LRP5: variants seen among roughly 807,000 people sequenced by gnomAD.
LRP5 encodes the protein low-density lipoprotein receptor-related protein 5.
A neutral mutation model predicts 154.1 loss-of-function variants in LRP5; 62 were observed. The observed-to-expected ratio is 0.40, with a 90% CI of 0.33 to 0.50. The LOEUF is 0.50. Ranked by LOEUF, LRP5 falls within the 20% of genes least tolerant of loss-of-function variation. The pLI is 0.55. For missense variants in LRP5, 1,915 were observed against 2,336.7 expected, an observed-to-expected ratio of 0.82 and a Z score of 3.72; for synonymous variants, 966 against 1,011.5, an observed-to-expected ratio of 0.96 and a Z score of 0.85.
At chr11:68,397,852 G>T (rs542479143) in intron 7 of LRP5, among the ~76,000 whole-genome samples, 12 of 152,262 alleles carry the variant, frequency 7.9e-5, no homozygotes, top group African/African-American at 2.4e-4. Context: ...TGCTAAGTGG[G>T]TGGAGGTGAC....
chr11:68,381,114 G>C (rs1393285008), intron 5 of LRP5, among the ~76,000 whole-genome samples: 1 of 152,194 alleles, frequency 6.6e-6, no homozygotes, highest in East Asian at 1.9e-4. Context: ...TCAGAACAGG[G>C]CTTAGTGCGA....
intron 7 of LRP5, among the ~76,000 whole-genome samples, chr11:68,400,049 C>T (rs145423982): frequency 1.1e-4 from 17 of 152,214 alleles, no homozygotes; most frequent in Middle Eastern, 3.4e-3. Context: ...TTCTGAGCCA[C>T]CATAGGGGTC....
In LRP5 at chr11:68,423,481, T is replaced by A. The variant is rs770080474; in HGVS notation, c.3028-8T>A. ...GTGCTCAGGAGTCTTGGTTTCTTTG[T>A]CTTACAGCCCTTTGTTTTGACCTCT... On this transcript the variant is annotated splice_polypyrimidine_tract_variant and splice_region_variant and intron_variant, in intron 13 of 22. Coordinates refer to ENST00000294304, the MANE Select transcript of LRP5 (RefSeq NM_002335.4). This position sits in a 1 kb window ranked among gnomAD's most constrained non-coding sequence, Gnocchi z 4.7. 6.2e-7 allele frequency: 1 copy of A among 1,613,790 alleles called. No homozygotes were observed.
At chr11:68,310,754 CAAAAAAAAA>C (rs756320384), upstream of LRP5, among the ~76,000 whole-genome samples, 7 of 63,928 alleles carry the variant, frequency 1.1e-4, no homozygotes, top group African/African-American at 3.7e-4. Flanking sequence ...GACCCTGTCT[CAAAAAAAAA>C]AAAAAAAAAA....
At chr11:68,445,026 C>G (rs1374687214) in intron 21 of LRP5, among the ~76,000 whole-genome samples, 1 of 152,194 alleles carries the variant, frequency 6.6e-6, no homozygotes, top group Non-Finnish European at 1.5e-5. Context: ...AGGCTACTCA[C>G]CAGCCATCAG....
intron 9 of LRP5, among the ~76,000 whole-genome samples, chr11:68,408,188 A>T (rs915302277): frequency 1.3e-5 from 2 of 149,334 alleles, no homozygotes; most frequent in Non-Finnish European, 2.9e-5. Context: ...TGATCCTCTC[A>T]TCTCAGCCTC....
At chr11:68,379,875 T>C (rs1285265715) in intron 5 of LRP5, among the ~76,000 whole-genome samples, 1 of 152,232 alleles carries the variant, frequency 6.6e-6, no homozygotes, top group Non-Finnish European at 1.5e-5. Flanking sequence ...CTCACGCCTG[T>C]AATCCCAGCA....
chr11:68,445,042 C>A (rs1243739717), intron 21 of LRP5, among the ~76,000 whole-genome samples: 1 of 152,130 alleles, frequency 6.6e-6, no homozygotes, highest in Non-Finnish European at 1.5e-5. Context: ...ATCAGGATAG[C>A]CCCAGGAAGC....
At chr11:68,341,059 C>CTTTTTTTTGTTTTTTTTTTTTTTTT (rs2098608773) in intron 1 of LRP5, among the ~76,000 whole-genome samples, 1 of 83,496 alleles carries the variant, frequency 1.2e-5, no homozygotes, top group Non-Finnish European at 2.4e-5. Flanking sequence ...GGAGATTGTT[C>CTTTTTTTTGTTTTTTTTTTTTTTTT]TTTTTTTTTT....
intron 1 of LRP5, among the ~76,000 whole-genome samples, chr11:68,333,110 C>T (rs1228113171): frequency 6.6e-6 from 1 of 152,108 alleles, no homozygotes; most frequent in Non-Finnish European, 1.5e-5. Context: ...ATCGTAGCTG[C>T]ATGAGGGTTT....
chr11:68,326,234 CAG>C, intron 1 of LRP5, among the ~76,000 whole-genome samples: 1 of 152,236 alleles, frequency 6.6e-6, no homozygotes, highest in South Asian at 2.1e-4. Flanking sequence ...TCTGCTTTGT[CAG>C]AAGTATGGCA....
At chr11:68,382,812 A>C (rs1345015092) in intron 5 of LRP5, among the ~76,000 whole-genome samples, 1 of 152,056 alleles carries the variant, frequency 6.6e-6, no homozygotes, top group Non-Finnish European at 1.5e-5. Context: ...GGTCCTTGTC[A>C]GTAGAATGGG....
chr11:68,348,001 G>A lies in LRP5; in HGVS notation c.246G>A (p.Val82=). ...FSKGAVYWTD[V]SEEAIKQTYL... is the part of the protein sequence containing the mutation. ...AGGGAGCCGTGTACTGGACAGACGTGAGCGAGGAGGCCATCAAGCAGACCT... is the reference window on the plus strand; with the variant it reads ...AGGGAGCCGTGTACTGGACAGACGTAAGCGAGGAGGCCATCAAGCAGACCT... Residue 82 remains valine (V), a synonymous_variant, in exon 2 of 23, where the codon GTG becomes GTA. Coordinates refer to ENST00000294304, the MANE Select transcript of LRP5 (RefSeq NM_002335.4). 1 of 1,614,184 alleles carries A rather than the reference G, an allele frequency of 6.2e-7. No individual in the cohort carries two copies. Among genetic ancestry groups the A allele is most frequent in the Non-Finnish European group, 8.5e-7 (1 of 1,180,040 alleles).
chr11:68,348,324 T>C, intron 2 of LRP5, 81 bp downstream of exon 2: 1 of 1,573,052 alleles, frequency 6.4e-7, no homozygotes, highest in Non-Finnish European at 8.6e-7. Context: ...TGAGCCCAAG[T>C]TGTTTTTCAG....
the LRP5 span, among the ~76,000 whole-genome samples, chr11:68,304,846 T>A: frequency 6.6e-6 from 1 of 152,238 alleles, no homozygotes; most frequent in Admixed American, 6.5e-5. Context: ...GGAACAGGAA[T>A]GTTTACCTAA....
At chr11:68,421,661 A>T (rs2098665667) in intron 13 of LRP5, among the ~76,000 whole-genome samples, 1 of 148,798 alleles carries the variant, frequency 6.7e-6, no homozygotes, top group African/African-American at 2.5e-5. Flanking sequence ...GAAAGTGATG[A>T]TGTCTTTGCA....
At chr11:68,323,709 C>T (rs1159056717) in intron 1 of LRP5, among the ~76,000 whole-genome samples, 1 of 152,218 alleles carries the variant, frequency 6.6e-6, no homozygotes, top group Non-Finnish European at 1.5e-5. Flanking sequence ...CGTGAGCCAC[C>T]GCGCCTGGCT....
chr11:68,367,784 C>G (rs1319911154), intron 5 of LRP5, among the ~76,000 whole-genome samples: 1 of 152,120 alleles, frequency 6.6e-6, no homozygotes. Context: ...GCAGCTCGGG[C>G]CGGGCGCAGT....
chr11:68,381,401 C>G (rs1358616985), intron 5 of LRP5, among the ~76,000 whole-genome samples: 1 of 152,134 alleles, frequency 6.6e-6, no homozygotes, highest in Non-Finnish European at 1.5e-5. Flanking sequence ...CGGTGTCGAG[C>G]TGGACATGTC....
Sources: allele counts gnomAD v4.1 joint callset (sites outside exome capture counted in the v4.1 genomes callset), GRCh38; gene constraint gnomAD v4.1.1; non-coding constraint Gnocchi (gnomAD v3.1); transcripts MANE v1.5; gene names NCBI Gene and HGNC (gene_info 2026-07-23, HGNC 2026-07-21).